Variants in CTTNBP2 observed in about 807,000 individuals in gnomAD.
CTTNBP2 encodes the protein cortactin binding protein 2, also known as cortactin-binding protein 2.
Under a neutral mutation model 156.9 loss-of-function variants are expected in CTTNBP2, and 108 were observed. The observed-to-expected ratio is 0.69, with a 90% CI of 0.59 to 0.81. The LOEUF (loss-of-function observed/expected upper bound fraction) is 0.81. CTTNBP2 is among the 30% of genes least tolerant of loss of function. The probability of loss-of-function intolerance (pLI) is 0.00; values close to 1 mark genes in which losing one functional copy is unlikely to be tolerated. For synonymous variants in CTTNBP2, 767 were observed against 751.8 expected, an observed-to-expected ratio of 1.02 and a Z score of -0.33; for missense variants, 1,924 against 2,035.4, an observed-to-expected ratio of 0.95 and a Z score of 1.05.
At chr7:117,755,946 G>C (rs564752291) in intron 12 of CTTNBP2, among the ~76,000 whole-genome samples, 1 of 152,270 alleles carries the variant, frequency 6.6e-6, no homozygotes, top group East Asian at 1.9e-4. Flanking sequence ...AAGTGAGAGT[G>C]GGAGTGGTGA....
chr7:117,745,833 C>T lies in CTTNBP2; in HGVS notation c.3533G>A (p.Ser1178Asn), dbSNP rs762796638. The T allele has an allele frequency of 4.3e-6, 7 of 1,609,272 alleles. No individual in the cohort carries two copies. In the East Asian group the frequency reaches 1.6e-4, roughly 36 times the overall value. Residue 1178 changes from serine to asparagine, a missense_variant and splice_region_variant, in exon 14 of 23, where the codon AGC becomes AAC. Coordinates refer to ENST00000160373, the MANE Select transcript of CTTNBP2 (RefSeq NM_033427.3). ...GCAATTTGCTGAAATGTTCTTACCGCTACTAATGAACAGGTCTAGTAGCTG... is the reference window on the plus strand; with the variant it reads ...GCAATTTGCTGAAATGTTCTTACCGTTACTAATGAACAGGTCTAGTAGCTG... The part of the protein sequence containing the change: ...KEQLLDLFIS[S>N]ACLIPVKQSP...
chr7:117,791,648 C>T lies in CTTNBP2; in HGVS notation c.1548G>A (p.Gly516=), dbSNP rs1334280930. The T allele has an allele frequency of 1.9e-6, 3 of 1,614,012 alleles. No homozygotes were observed. The highest frequency in any genetic ancestry group is 1.7e-5 in the Admixed American group (1 of 60,000). Residue 516 remains glycine (G), a synonymous_variant, in exon 4 of 23, where the codon GGG becomes GGA. Coordinates refer to ENST00000160373, the MANE Select transcript of CTTNBP2 (RefSeq NM_033427.3). The stretch of plus-strand genomic sequence containing the variant: ...CAACTGGAGGGTGGGTGCCAACATC[C>T]CCTGTTGGGGGCACTCCAGGCCTTG... ...APSRPGVPPT[G]DVGTHPPVGR...
intron 1 of CTTNBP2, among the ~76,000 whole-genome samples, chr7:117,869,643 T>TG (rs1221148083): frequency 1.3e-5 from 2 of 152,202 alleles, no homozygotes. Flanking sequence ...CAACTGGTAA[T>TG]CTAGCCCAGG....
intron 21 of CTTNBP2, among the ~76,000 whole-genome samples, chr7:117,719,265 A>G (rs1794643361): frequency 6.6e-6 from 1 of 152,250 alleles, no homozygotes; most frequent in Non-Finnish European, 1.5e-5. Flanking sequence ...CAATTAACAT[A>G]CAATTTTAAC....
intron 2 of CTTNBP2, among the ~76,000 whole-genome samples, chr7:117,846,878 A>T (rs1392874246): frequency 1.3e-5 from 2 of 151,868 alleles, no homozygotes; most frequent in Non-Finnish European, 2.9e-5. Flanking sequence ...TGTAACTAAA[A>T]AAATATATAT....
chr7:117,853,958 T>G (rs936452953), intron 2 of CTTNBP2, among the ~76,000 whole-genome samples: 1 of 152,236 alleles, frequency 6.6e-6, no homozygotes, highest in African/African-American at 2.4e-5. Flanking sequence ...TTTGTTTGTT[T>G]TTTACTAATG....
At chr7:117,837,615 T>C (rs1802033649) in intron 2 of CTTNBP2, among the ~76,000 whole-genome samples, 1 of 152,202 alleles carries the variant, frequency 6.6e-6, no homozygotes, top group African/African-American at 2.4e-5. Context: ...CAAGTCTAAA[T>C]ATGAAATTCA....
intron 2 of CTTNBP2, among the ~76,000 whole-genome samples, chr7:117,811,305 C>A (rs1310414469): frequency 6.6e-6 from 1 of 151,968 alleles, no homozygotes; most frequent in Non-Finnish European, 1.5e-5. Context: ...TACACCCCCA[C>A]CCCTCCACCC....
chr7:117,732,581 C>T (rs34419342), intron 16 of CTTNBP2, among the ~76,000 whole-genome samples: 4,091 of 140,450 alleles, frequency 0.029, 90 homozygotes, highest in Non-Finnish European at 0.027. Context: ...ACCCAGGAGG[C>T]GGAGCTTGCA....
intron 9 of CTTNBP2, 23 bp downstream of exon 9, chr7:117,767,036 A>C (rs776083832): frequency 5.5e-6 from 7 of 1,261,306 alleles, no homozygotes; most frequent in Non-Finnish European, 8.2e-6. Context: ...AAAGATAAAC[A>C]ATAAGCTCTG....
intron 8 of CTTNBP2, among the ~76,000 whole-genome samples, chr7:117,777,202 A>C (rs1480267396): frequency 6.6e-6 from 1 of 152,180 alleles, no homozygotes; most frequent in Non-Finnish European, 1.5e-5. Context: ...TACTGAAGTA[A>C]GCAACCCAAT....
chr7:117,735,177 A>G, intron 15 of CTTNBP2, 77 bp from the exon 16 acceptor site: 1 of 1,585,102 alleles, frequency 6.3e-7, no homozygotes, highest in South Asian at 1.1e-5. Context: ...AATAACGTAA[A>G]GAACATGAAG....
intron 8 of CTTNBP2, among the ~76,000 whole-genome samples, 183 bp downstream of exon 8, chr7:117,777,326 CTT>C (rs1406292245): frequency 6.6e-6 from 1 of 152,196 alleles, no homozygotes; most frequent in Non-Finnish European, 1.5e-5. Flanking sequence ...TTAAAAGTCT[CTT>C]ATACCCTTGA....
At chr7:117,742,697 G>A (rs1406252591) in intron 14 of CTTNBP2, among the ~76,000 whole-genome samples, 2 of 152,342 alleles carry the variant, frequency 1.3e-5, no homozygotes, top group East Asian at 3.9e-4. Flanking sequence ...ACGATGGACT[G>A]TGGGACGAGG....
rs146720089 is a variant in CTTNBP2 at position 117,746,676 on chromosome 7, T to C, written c.3349-577A>G. Among the ~76,000 whole-genome samples the C allele has an allele frequency of 6.8e-3, 1,043 of 152,338 alleles. 8 individuals carry two copies. Among genetic ancestry groups the C allele is most frequent in the Non-Finnish European group, 0.011 (716 of 68,034 alleles). ...CATGAGTGTCATCTTTTTACAGCTG[T>C]TGTATATCAGATAATGTCTTTGTGT... On this transcript the variant is annotated intron_variant, in intron 12 of 22. Coordinates refer to ENST00000160373, the MANE Select transcript of CTTNBP2 (RefSeq NM_033427.3).
chr7:117,791,144 G>C lies in CTTNBP2; in HGVS notation c.2052C>G (p.Leu684=). The C allele has an allele frequency of 6.2e-7, 1 of 1,613,772 alleles. No individual in the cohort carries two copies. Among genetic ancestry groups the C allele is most frequent in the African/African-American group, 1.3e-5 (1 of 75,028 alleles). Residue 684 remains leucine, a synonymous_variant, in exon 4 of 23, where the codon CTC becomes CTG. Coordinates refer to ENST00000160373, the MANE Select transcript of CTTNBP2 (RefSeq NM_033427.3). ...TCCCTTTACCTGATGCTGTTACCAG[G>C]AGGCTGTCTGAGGCACCTGGTCTAC... ...SSCRPGASDS[L]LVTASGWSPS... is the part of the protein sequence containing the mutation.
rs564684126 is a variant in CTTNBP2, at chr7:117,784,239, C to T, written c.2272+12G>A. ...TTTGCAAGTGTGTGGTATAAGATCT[C>T]GCCATATTTACCTGTATGTCCATTC... On this transcript the variant is annotated intron_variant, in intron 5 of 22. Coordinates refer to ENST00000160373, the MANE Select transcript of CTTNBP2 (RefSeq NM_033427.3). 5.6e-5 allele frequency: 89 copies of T among 1,582,924 alleles called. 1 individual carries two copies. The South Asian group carries it at 9.3e-4, about 17-fold the overall frequency.
chr7:117,873,178 G>A (rs1448833524), intron 1 of CTTNBP2, among the ~76,000 whole-genome samples, 157 bp downstream of exon 1: 5 of 152,060 alleles, frequency 3.3e-5, no homozygotes, highest in African/African-American at 1.2e-4. Flanking sequence ...CCGCCGTGTG[G>A]GCATCCCGAG....
chr7:117,757,877 G>A lies in CTTNBP2; in HGVS notation c.3266C>T (p.Ser1089Leu). ...ACCTTAGTTAGGGACATCCTTACCT[G>A]ACAAAAGCACAGTGATGTGCTCTGC... ...NKAEHITVLL[S>L]GPQEGCLSSV... The change falls in exon 11 of 23, where the codon TCA (serine) becomes TTA (leucine). Residue 1089 changes from serine to leucine, a missense_variant and splice_region_variant. By Grantham distance (145) the Ser-to-Leu change is moderately radical (BLOSUM62 -2). Coordinates refer to ENST00000160373, the MANE Select transcript of CTTNBP2 (RefSeq NM_033427.3). 1 of 1,604,494 alleles carries A rather than the reference G, an allele frequency of 6.2e-7. No individual in the cohort carries two copies. Among genetic ancestry groups the A allele is most frequent in the Non-Finnish European group, 8.5e-7 (1 of 1,174,998 alleles).
Sources: allele counts gnomAD v4.1 joint callset (sites outside exome capture counted in the v4.1 genomes callset), GRCh38; gene constraint gnomAD v4.1.1; transcripts MANE v1.5; gene names NCBI Gene and HGNC (gene_info 2026-07-23, HGNC 2026-07-21).